Variants in AVEN observed in about 807,000 individuals in gnomAD.
The protein encoded by AVEN is apoptosis and caspase activation inhibitor, also known as cell death regulator Aven.
AVEN carries 41 observed loss-of-function variants against 38.1 expected under a neutral mutation model. That is an observed-to-expected ratio of 1.08 (90% CI 0.84 to 1.40). The LOEUF (loss-of-function observed/expected upper bound fraction) is 1.40, where lower values mean the gene tolerates loss of function less well. Ranked by LOEUF, AVEN falls within the 40% of genes most tolerant of loss-of-function variation. AVEN has a pLI of 0.00. For missense variants in AVEN, 605 were observed against 438.8 expected, an observed-to-expected ratio of 1.38 and a Z score of -3.38; for synonymous variants, 206 against 171.8, an observed-to-expected ratio of 1.20 and a Z score of -1.56.
the AVEN span, chr15:33,852,099 CTTA>C: frequency 7.5e-6 from 1 of 134,116 alleles, no homozygotes; most frequent in Admixed American, 7.8e-5. Context: ...TCTCCATTTC[CTTA>C]TCACCAACTT....
intron 2 of AVEN, among the ~76,000 whole-genome samples, chr15:33,879,393 G>T (rs1891386972): frequency 7.8e-6 from 1 of 127,552 alleles, no homozygotes; most frequent in South Asian, 2.8e-4. Context: ...CACACTCTGG[G>T]GACTGTTGTG....
intron 2 of AVEN, among the ~76,000 whole-genome samples, chr15:33,919,067 C>G (rs1177835093): frequency 1.3e-5 from 2 of 151,942 alleles, no homozygotes; most frequent in East Asian, 3.9e-4. Context: ...ATTACAGGCA[C>G]CTGCCCATCA....
chr15:33,938,194 G>A (rs961002051), intron 2 of AVEN, among the ~76,000 whole-genome samples: 37 of 152,060 alleles, frequency 2.4e-4, no homozygotes, highest in Middle Eastern at 3.2e-3. Flanking sequence ...GGTGGCTCAC[G>A]CCTGTAATCC....
At chr15:34,051,962 T>C (rs529126028) in intron 5 of AVEN, among the ~76,000 whole-genome samples, 62 of 151,826 alleles carry the variant, frequency 4.1e-4, no homozygotes, top group Non-Finnish European at 7.5e-4. Context: ...TCTGAAAAAA[T>C]TGAAAAGGAG....
chr15:33,872,552 G>A (rs998589048), intron 3 of AVEN, among the ~76,000 whole-genome samples: 1 of 151,906 alleles, frequency 6.6e-6, no homozygotes, highest in Non-Finnish European at 1.5e-5. Context: ...TGGGTGGCGT[G>A]GGGGGAGCCG....
chr15:33,937,142 A>G (rs1894101392), intron 2 of AVEN, among the ~76,000 whole-genome samples: 1 of 150,498 alleles, frequency 6.6e-6, no homozygotes, highest in Non-Finnish European at 1.5e-5. Flanking sequence ...AAAAAAAAAA[A>G]AAAAAAAGAC....
chr15:33,873,372 T>A (rs1891078330), intron 3 of AVEN, among the ~76,000 whole-genome samples: 1 of 150,798 alleles, frequency 6.6e-6, no homozygotes, highest in African/African-American at 2.4e-5. Flanking sequence ...AGTGCTGGGA[T>A]TATAGGCGTG....
At chr15:33,853,857 C>T (rs2079360034), downstream of AVEN, among the ~76,000 whole-genome samples, 1 of 152,106 alleles carries the variant, frequency 6.6e-6, no homozygotes, top group South Asian at 2.1e-4. Flanking sequence ...AAGACTAATA[C>T]ATTTTTATGC....
chr15:34,067,438 T>C (rs1900540084), intron 2 of AVEN: 1 of 152,196 alleles, frequency 6.6e-6, no homozygotes, highest in Admixed American at 6.5e-5. Flanking sequence ...CTATTCTAGA[T>C]ATTAAAGAAA....
At chr15:33,940,249 G>T (rs1275294736) in intron 2 of AVEN, among the ~76,000 whole-genome samples, 1 of 152,216 alleles carries the variant, frequency 6.6e-6, no homozygotes, top group African/African-American at 2.4e-5. Flanking sequence ...TAAGTCTGCA[G>T]CTCAGTTTCC....
chr15:33,868,648 C>T (rs1217725410), intron 4 of AVEN, among the ~76,000 whole-genome samples: 1 of 151,328 alleles, frequency 6.6e-6, no homozygotes, highest in Admixed American at 6.6e-5. Flanking sequence ...AACAAATTCA[C>T]CAAGACTCTC....
At chr15:33,916,954 G>A (rs958906448) in intron 2 of AVEN, among the ~76,000 whole-genome samples, 11 of 152,072 alleles carry the variant, frequency 7.2e-5, no homozygotes, top group African/African-American at 2.7e-4. Context: ...ACACAAAGGG[G>A]AAAAGCCCCT....
At chr15:34,002,968 A>G (rs1897194605) in intron 2 of AVEN, 64 bp downstream of exon 2, 3 of 1,367,550 alleles carry the variant, frequency 2.2e-6, no homozygotes, top group Admixed American at 2.3e-5. Context: ...ATTTAAAAAC[A>G]TATATAAAAT....
At chr15:33,852,646 CA>C in the AVEN span, 1 of 172,962 alleles carries the variant, frequency 5.8e-6, no homozygotes, top group African/African-American at 2.4e-5. Context: ...TTATCTACCC[CA>C]GTAGGTGACA....
chr15:33,954,448 T>C (rs1597269777), intron 2 of AVEN, among the ~76,000 whole-genome samples: 2 of 152,250 alleles, frequency 1.3e-5, no homozygotes, highest in Admixed American at 1.3e-4. Flanking sequence ...GTGGCACATA[T>C]ACATCATGGA....
chr15:33,879,390 T>G (rs1315949943), intron 2 of AVEN, among the ~76,000 whole-genome samples: 2 of 108,408 alleles, frequency 1.8e-5, no homozygotes, highest in Non-Finnish European at 1.7e-5. Context: ...CATCACACTC[T>G]GGGGACTGTT....
intron 1 of AVEN, among the ~76,000 whole-genome samples, chr15:34,024,436 G>A (rs1282159980): frequency 7.2e-6 from 1 of 138,690 alleles, no homozygotes; most frequent in East Asian, 2.0e-4. Flanking sequence ...CTGCACCACT[G>A]CCCTCCAGCC....
intron 3 of AVEN, chr15:34,066,194 C>T (rs1382204497): frequency 6.6e-6 from 1 of 152,256 alleles, no homozygotes; most frequent in Non-Finnish European, 1.5e-5. Context: ...GTAATTGGCT[C>T]AGTTCTCCAG....
At chr15:34,038,398 G>C (rs1379035341) in intron 1 of AVEN, among the ~76,000 whole-genome samples, 3 of 152,194 alleles carry the variant, frequency 2.0e-5, no homozygotes, top group Non-Finnish European at 4.4e-5. Flanking sequence ...GAGGGACCAC[G>C]TCGTGGCCGC....
Sources: allele counts gnomAD v4.1 joint callset (sites outside exome capture counted in the v4.1 genomes callset), GRCh38; gene constraint gnomAD v4.1.1; transcripts MANE v1.5; gene names NCBI Gene and HGNC (gene_info 2026-07-23, HGNC 2026-07-21).